SCG5: variants seen among roughly 807,000 people sequenced by gnomAD.
The protein encoded by SCG5 is neuroendocrine protein 7B2.
Under a neutral mutation model 25.7 loss-of-function variants are expected in SCG5, and 18 were observed. The observed-to-expected ratio is 0.70, with a 90% confidence interval of 0.48 to 1.04. The LOEUF is 1.04. SCG5 is among the 50% of genes least tolerant of loss of function. The pLI, the probability that SCG5 is intolerant of heterozygous loss-of-function variation, is 0.00. For synonymous variants in SCG5, 101 were observed against 91.7 expected, an observed-to-expected ratio of 1.10 and a Z score of -0.58; for missense variants, 206 against 259.8, an observed-to-expected ratio of 0.79 and a Z score of 1.42.
At chr15:32,687,287 A>T (rs1237643151) in intron 4 of SCG5, among the ~76,000 whole-genome samples, 3 of 152,186 alleles carry the variant, frequency 2.0e-5, no homozygotes. Flanking sequence ...CGAAACACTG[A>T]CTTGAGTTTC....
chr15:32,667,464 T>C (rs1304772704), intron 2 of SCG5, among the ~76,000 whole-genome samples: 1 of 152,244 alleles, frequency 6.6e-6, no homozygotes, highest in Non-Finnish European at 1.5e-5. Context: ...GTATTTCCAG[T>C]GTCTGTGTGT....
At chr15:32,671,771 T>G (rs2054429190) in intron 2 of SCG5, among the ~76,000 whole-genome samples, 1 of 152,042 alleles carries the variant, frequency 6.6e-6, no homozygotes, top group Non-Finnish European at 1.5e-5. Context: ...GTCTCGGGGT[T>G]TCTCTTAGCC....
chr15:32,681,624 A>T (rs2054623033), intron 3 of SCG5, among the ~76,000 whole-genome samples: 1 of 151,502 alleles, frequency 6.6e-6, no homozygotes, highest in African/African-American at 2.4e-5. Context: ...TAATTTTTAA[A>T]TTTTTTGTAG....
chr15:32,686,039 A>G (rs892560185), intron 4 of SCG5, among the ~76,000 whole-genome samples: 27 of 152,208 alleles, frequency 1.8e-4, no homozygotes, highest in African/African-American at 6.3e-4. Flanking sequence ...ATGCATTGTC[A>G]GTTCCCTCTG....
intron 2 of SCG5, among the ~76,000 whole-genome samples, chr15:32,660,411 C>T (rs1205799984): frequency 6.6e-6 from 1 of 152,230 alleles, no homozygotes; most frequent in Non-Finnish European, 1.5e-5. Flanking sequence ...TCACCTCCCT[C>T]ATTCGGTTTG....
chr15:32,687,154 C>G (rs938113498), intron 4 of SCG5, among the ~76,000 whole-genome samples: 4 of 152,308 alleles, frequency 2.6e-5, no homozygotes, highest in Middle Eastern at 3.4e-3. Context: ...ATGAAAACAT[C>G]TCTTTTCAGC....
intron 4 of SCG5, among the ~76,000 whole-genome samples, chr15:32,684,880 A>G (rs547462967): frequency 6.6e-5 from 10 of 152,346 alleles, no homozygotes; most frequent in East Asian, 1.9e-4. Flanking sequence ...AACTAAAGAG[A>G]CAGCAACCTA....
intron 2 of SCG5, chr15:32,673,100 C>A (rs1031166095): frequency 1.3e-5 from 2 of 152,100 alleles, no homozygotes; most frequent in African/African-American, 4.8e-5. Flanking sequence ...TGAGAACTCA[C>A]GTTCAAGGGA....
chr15:32,656,843 T>C (rs1050095757), intron 2 of SCG5, among the ~76,000 whole-genome samples: 4 of 152,064 alleles, frequency 2.6e-5, no homozygotes. Context: ...CAAATATAAC[T>C]GAGCATGCAC....
At chr15:32,683,631 A>G (rs150480471) in intron 3 of SCG5, among the ~76,000 whole-genome samples, 9 of 152,310 alleles carry the variant, frequency 5.9e-5, no homozygotes, top group Non-Finnish European at 1.2e-4. Flanking sequence ...CCTCACAGCA[A>G]TCCCGTAGGT....
At chr15:32,675,411 A>G (rs936513188) in intron 2 of SCG5, among the ~76,000 whole-genome samples, 3 of 152,204 alleles carry the variant, frequency 2.0e-5, no homozygotes, top group Non-Finnish European at 4.4e-5. Context: ...AGTTTCAGCA[A>G]CACTCTTAGA....
chr15:32,647,294 C>T (rs1182120957), intron 2 of SCG5, among the ~76,000 whole-genome samples: 1 of 152,128 alleles, frequency 6.6e-6, no homozygotes, highest in Non-Finnish European at 1.5e-5. Context: ...ATGTTAAGTT[C>T]CTTGCAGGCA....
At chr15:32,665,576 G>A (rs141742300) in intron 2 of SCG5, 1 of 152,316 alleles carries the variant, frequency 6.6e-6, no homozygotes, top group East Asian at 1.9e-4. Flanking sequence ...GTAAAATCAA[G>A]TACTATTTGT....
intron 2 of SCG5, among the ~76,000 whole-genome samples, chr15:32,668,815 T>A (rs1379181692): frequency 6.6e-6 from 1 of 152,234 alleles, no homozygotes; most frequent in Non-Finnish European, 1.5e-5. Context: ...CAGCCATTCA[T>A]TGCTTCTCTC....
At position 32,641,740 on chromosome 15, in the gene SCG5, A is replaced by G. The variant is rs1444050738; in HGVS notation, c.-46A>G. On this transcript the variant is annotated 5_prime_UTR_variant, in exon 1 of 6. Coordinates refer to ENST00000300175, the MANE Select transcript of SCG5 (RefSeq NM_001144757.3). ...GCCCGTTCCTGGCCTGACCCCCACC[A>G]AGGCCCATACCGCAGTAGGCTCCTC... is the stretch of plus-strand genomic sequence containing the variant. 1 of 152,328 alleles carries G rather than the reference A, an allele frequency of 6.6e-6. No homozygotes were observed. The highest frequency in any genetic ancestry group is 1.5e-5 in the Non-Finnish European group (1 of 68,140). 9.4% of individuals were successfully genotyped at this position (152,328 alleles called of 1,614,324 possible). A position where few individuals can be genotyped will look rare whatever the true frequency, so the allele number is the denominator to read the frequency against.
intron 5 of SCG5, chr15:32,692,061 G>T: frequency 8.1e-7 from 1 of 1,237,798 alleles, no homozygotes; most frequent in Non-Finnish European, 1.0e-6. Context: ...GGACATATCT[G>T]GGGGGACATG....
At chr15:32,667,714 C>T (rs2054343891) in intron 2 of SCG5, among the ~76,000 whole-genome samples, 1 of 151,526 alleles carries the variant, frequency 6.6e-6, no homozygotes, top group Non-Finnish European at 1.5e-5. Flanking sequence ...ACTGTGTCGC[C>T]CAGGCTGGAG....
chr15:32,679,689 G>A, intron 2 of SCG5, 77 bp from the exon 3 acceptor site: 1 of 1,493,386 alleles, frequency 6.7e-7, no homozygotes, highest in Non-Finnish European at 9.3e-7. Flanking sequence ...GGCTTTTCCT[G>A]TGTGATATGC....
Position 32,694,881 on chromosome 15 carries a change from A to G in SCG5, c.544-1633A>G, listed in dbSNP as rs113582324. ...CTTCTCTTTTGAAGAATGTCTGCTC[A>G]CCTTTCAAGAGTCATGGCAGGTTAT... is the stretch of plus-strand genomic sequence containing the variant. On this transcript the variant is annotated intron_variant, in intron 5 of 5. Transcript: ENST00000300175. 3.5e-3 allele frequency among the ~76,000 whole-genome samples: 536 copies of G among 152,284 alleles called. 1 individual carries two copies. The highest frequency in any genetic ancestry group is 0.013 in the African/African-American group (521 of 41,542).
Sources: allele counts gnomAD v4.1 joint callset (sites outside exome capture counted in the v4.1 genomes callset), GRCh38; gene constraint gnomAD v4.1.1; transcripts MANE v1.5; gene names NCBI Gene and HGNC (gene_info 2026-07-23, HGNC 2026-07-21).